Variants in METTL5 observed in about 807,000 individuals in gnomAD.
The protein encoded by METTL5 is rRNA N(6)-adenosine-methyltransferase METTL5.
METTL5 carries 28 observed loss-of-function variants against 26.5 expected under a neutral mutation model. The observed-to-expected ratio is 1.06, with a 90% CI of 0.78 to 1.45. METTL5 has a LOEUF of 1.45. METTL5 is among the 40% of genes most tolerant of loss of function. The pLI is 0.00. For missense variants in METTL5, 231 were observed against 249.9 expected, an observed-to-expected ratio of 0.92 and a Z score of 0.51; for synonymous variants, 86 against 82.6, an observed-to-expected ratio of 1.04 and a Z score of -0.22.
At chr2:169,821,798 C>T in intron 2 of METTL5, 145 bp downstream of exon 2, 1 of 643,362 alleles carries the variant, frequency 1.6e-6, no homozygotes, top group Non-Finnish European at 2.7e-6. Flanking sequence ...TTTAGATCTT[C>T]TGCCCATTCA....
chr2:169,818,601 A>G (rs2081541813), intron 4 of METTL5, among the ~76,000 whole-genome samples: 1 of 152,120 alleles, frequency 6.6e-6, no homozygotes. Context: ...AGTTCTTTTT[A>G]GCTGTTATAT....
intron 3 of METTL5, among the ~76,000 whole-genome samples, chr2:169,820,176 C>A (rs1463315436): frequency 1.3e-5 from 2 of 152,114 alleles, no homozygotes; most frequent in East Asian, 3.9e-4. Flanking sequence ...AGGCTGGTCT[C>A]AAACTCCCGA....
rs1160549780 is a variant in METTL5, at chr2:169,821,262, C to A, written c.236G>T (p.Gly79Val). The A allele has an allele frequency of 1.2e-6, 2 of 1,605,156 alleles. No homozygotes were observed. The highest frequency in any genetic ancestry group is 8.5e-7 in the Non-Finnish European group (1 of 1,176,910). The change falls in exon 3 of 7, where the codon GGA becomes GTA. Residue 79 changes from glycine to valine, a missense_variant. Physicochemically the swap from Gly to Val is moderately radical, Grantham distance 109 (BLOSUM62 -3). Transcript: ENST00000260953. ...TAMLGAGLCV[G>V]FDIDEDALEI... ...CAATGCGTCTTCATCTATGTCAAAT[C>A]CAACACACAACCTATAAATACAAAA...
intron 5 of METTL5, among the ~76,000 whole-genome samples, chr2:169,814,303 G>A (rs111883042): frequency 6.6e-6 from 1 of 151,500 alleles, no homozygotes; most frequent in Non-Finnish European, 1.5e-5. Flanking sequence ...CCCTGCCAAC[G>A]TGGTGAAACC....
chr2:169,824,031 C>G (rs1483741401), intron 1 of METTL5, among the ~76,000 whole-genome samples: 1 of 152,226 alleles, frequency 6.6e-6, no homozygotes, highest in Middle Eastern at 3.2e-3. Flanking sequence ...ATTCCACTAT[C>G]AACTCTGGTA....
intron 3 of METTL5, among the ~76,000 whole-genome samples, chr2:169,820,858 G>A (rs1047230402): frequency 1.3e-5 from 2 of 150,778 alleles, no homozygotes; most frequent in African/African-American, 4.9e-5. Flanking sequence ...GACTATAGGT[G>A]CACCACCACA....
In METTL5 at chr2:169,821,180, T is replaced by C. The variant is rs2081578744; in HGVS notation, c.318A>G (p.Gln106=). 2 of 1,612,760 alleles carry C rather than the reference T, an allele frequency of 1.2e-6. No individual in the cohort carries two copies. Among genetic ancestry groups the C allele is most frequent in the Non-Finnish European group, 1.7e-6 (2 of 1,179,058 alleles). The part of the protein sequence containing the change: ...EFELTNIDMV[Q]CDVCLLSNRM... ...TGTTAGATAATAAGCACACATCACA[T>C]TGAACCATGTCAATATTTGTTAACT... Residue 106 remains glutamine, a synonymous_variant, in exon 3 of 7, where the codon CAA becomes CAG. Transcript: ENST00000260953.
rs1482967569 is a variant in METTL5 at position 169,821,080 on chromosome 2, C to G, written c.406+12G>C. The G allele has an allele frequency of 6.4e-7, 1 of 1,564,442 alleles. No homozygotes were observed. The highest frequency in any genetic ancestry group is 8.6e-7 in the Non-Finnish European group (1 of 1,158,426). On this transcript the variant is annotated intron_variant, in intron 3 of 6. Transcript: ENST00000260953. ...TATAAATATACCAATATACCCGATTCTTGTTACAAACCTTTATTATTTTTG... is the reference window on the plus strand; with the variant it reads ...TATAAATATACCAATATACCCGATTGTTGTTACAAACCTTTATTATTTTTG...
chr2:169,814,931 A>G (rs557315440), intron 5 of METTL5, among the ~76,000 whole-genome samples: 4 of 150,968 alleles, frequency 2.6e-5, no homozygotes, highest in Admixed American at 2.0e-4. Flanking sequence ...CTCCTCTGTC[A>G]TCCAGGCTGA....
In METTL5 at chr2:169,824,857, C is replaced by A; in HGVS notation, c.-260G>T. 1 of 314,506 alleles carries A rather than the reference C, an allele frequency of 3.2e-6. No individual in the cohort carries two copies. The highest frequency in any genetic ancestry group is 6.0e-6 in the Non-Finnish European group (1 of 167,874). 19.5% of individuals were successfully genotyped at this position (314,506 alleles called of 1,614,324 possible). On this transcript the variant is annotated 5_prime_UTR_variant, in exon 1 of 7. Coordinates refer to ENST00000260953, the MANE Select transcript of METTL5 (RefSeq NM_014168.4). ...AGCAGCCTCAGGATCCCTCGCGCCA[C>A]GACCACGCACCTCTGGAGGCGACCC...
At chr2:169,815,878 C>G (rs376269843) in intron 4 of METTL5, among the ~76,000 whole-genome samples, 1 of 152,210 alleles carries the variant, frequency 6.6e-6, no homozygotes. Flanking sequence ...ATCTTGACAT[C>G]ACAGCACAAC....
chr2:169,821,355 TAAACCATATA>T, intron 2 of METTL5, 82 bp from the exon 3 acceptor site: 1 of 1,035,362 alleles, frequency 9.7e-7, no homozygotes, highest in Non-Finnish European at 1.4e-6. Context: ...GTTTTTTTTT[TAAACCATATA>T]TCTTTTTAAC....
At position 169,821,957 on chromosome 2, in the gene METTL5, T is replaced by C. The variant is rs1172018023; in HGVS notation, c.210A>G (p.Ala70=). The C allele has an allele frequency of 2.5e-6, 4 of 1,613,572 alleles. No individual in the cohort carries two copies. The highest frequency in any genetic ancestry group is 3.4e-6 in the Non-Finnish European group (4 of 1,179,960). ...CGCGVLSIGT[A]MLGAGLCVGF... is the part of the protein sequence containing the mutation. The stretch of plus-strand genomic sequence containing the variant: ...GCATTACGTACCCTGCTCCTAACAT[T>C]GCAGTTCCGATGCTAAGTACTCCAC... Residue 70 remains alanine, a synonymous_variant, in exon 2 of 7, where the codon GCA becomes GCG. Transcript: ENST00000260953.
chr2:169,813,195 T>G, intron 5 of METTL5: 1 of 151,186 alleles, frequency 6.6e-6, no homozygotes, highest in Middle Eastern at 3.2e-3. Context: ...TGGCGCGATC[T>G]GGGCTCACTG....
chr2:169,820,184 C>T (rs185736031), intron 3 of METTL5, among the ~76,000 whole-genome samples: 50 of 152,044 alleles, frequency 3.3e-4, no homozygotes, highest in Middle Eastern at 6.8e-3. Flanking sequence ...CTCAAACTCC[C>T]GACCTCAGGT....
At chr2:169,819,865 A>T (rs867442303) in intron 3 of METTL5, among the ~76,000 whole-genome samples, 26 of 152,310 alleles carry the variant, frequency 1.7e-4, no homozygotes, top group Admixed American at 2.6e-4. Context: ...AAATTTTAAT[A>T]TTATATTCCA....
chr2:169,821,892 C>CTCCTTATTAAAGCCA, intron 2 of METTL5, 51 bp downstream of exon 2: 1 of 1,516,886 alleles, frequency 6.6e-7, no homozygotes, highest in African/African-American at 1.4e-5. Flanking sequence ...CCCATTGATG[C>CTCCTTATTAAAGCCA]TCCTTATTAA....
In METTL5 at chr2:169,821,339, T is replaced by G. The variant is rs1011246248; in HGVS notation, c.225-66A>C. On this transcript the variant is annotated intron_variant, in intron 2 of 6. Transcript: ENST00000260953. ...CTCCCAAGTAAAAACAAAACCAAAA[T>G]TAGCTGTTTTTTTTTTAAACCATAT... 5 of 1,187,582 alleles carry G rather than the reference T, an allele frequency of 4.2e-6. No homozygotes were observed. The African/African-American group carries it at 6.8e-5, about 16-fold the overall frequency. 73.6% of individuals were successfully genotyped at this position (1,187,582 alleles called of 1,614,324 possible).
At chr2:169,824,230 A>T in intron 1 of METTL5, 2 of 356,208 alleles carry the variant, frequency 5.6e-6, no homozygotes, top group Non-Finnish European at 1.0e-5. Flanking sequence ...GTAATGTGAG[A>T]AGAGAAAAAA....
Sources: allele counts gnomAD v4.1 joint callset (sites outside exome capture counted in the v4.1 genomes callset), GRCh38; gene constraint gnomAD v4.1.1; transcripts MANE v1.5; gene names NCBI Gene and HGNC (gene_info 2026-07-23, HGNC 2026-07-21).